The following CNST variants were observed in gnomAD, a reference collection of about 807,000 sequenced individuals.
CNST encodes the protein consortin.
A neutral mutation model predicts 72.4 loss-of-function variants in CNST; 39 were observed. That is an observed-to-expected ratio of 0.54 (90% CI 0.42 to 0.70). The LOEUF (loss-of-function observed/expected upper bound fraction) is 0.70, where lower values mean the gene tolerates loss of function less well. Ranked by LOEUF, CNST falls within the 30% of genes least tolerant of loss-of-function variation. The probability of loss-of-function intolerance (pLI) is 0.00; values close to 1 mark genes in which losing one functional copy is unlikely to be tolerated. For missense variants in CNST, 871 were observed against 868.5 expected (o/e 1.00, Z -0.04); for synonymous variants, 332 against 320.1 (o/e 1.04, Z -0.40).
At chr1:246,642,465 A>T (rs1246179779) in intron 8 of CNST, among the ~76,000 whole-genome samples, 1 of 152,062 alleles carries the variant, frequency 6.6e-6, no homozygotes, top group Non-Finnish European at 1.5e-5. Flanking sequence ...TTTAAACTCT[A>T]TATCTTGATA....
At chr1:246,581,421 G>A (rs748093343) in intron 1 of CNST, among the ~76,000 whole-genome samples, 6 of 152,112 alleles carry the variant, frequency 3.9e-5, no homozygotes, top group African/African-American at 1.2e-4. Flanking sequence ...GCGCCTCCAC[G>A]CCTGGCTGAT....
intron 9 of CNST, among the ~76,000 whole-genome samples, chr1:246,648,414 G>A (rs1666255448): frequency 6.6e-6 from 1 of 152,016 alleles, no homozygotes; most frequent in Non-Finnish European, 1.5e-5. Flanking sequence ...GATAAAATAT[G>A]ATATGTACTT....
At chr1:246,583,255 C>T (rs1660914122) in intron 1 of CNST, among the ~76,000 whole-genome samples, 1 of 152,178 alleles carries the variant, frequency 6.6e-6, no homozygotes, top group African/African-American at 2.4e-5. Flanking sequence ...TTGCTCTGCA[C>T]TTATTTTCAT....
chr1:246,603,153 A>C (rs1377321071), intron 2 of CNST, among the ~76,000 whole-genome samples: 1 of 152,218 alleles, frequency 6.6e-6, no homozygotes, highest in Admixed American at 6.5e-5. Context: ...AGTTACATAC[A>C]TATTAACCTA....
intron 8 of CNST, 106 bp downstream of exon 8, chr1:246,642,143 T>TTTG (rs1553383449): frequency 3.2e-6 from 2 of 622,234 alleles, no homozygotes; most frequent in African/African-American, 4.1e-5. Context: ...GTTTTTTTTT[T>TTTG]TTTTTTTTTT....
chr1:246,583,820 G>T (rs796411758), intron 1 of CNST, among the ~76,000 whole-genome samples: 2 of 152,218 alleles, frequency 1.3e-5, no homozygotes, highest in Non-Finnish European at 2.9e-5. Flanking sequence ...TCCTCTGAAT[G>T]TGGGGCAGGA....
chr1:246,635,126 A>G, intron 6 of CNST, among the ~76,000 whole-genome samples: 1 of 152,030 alleles, frequency 6.6e-6, no homozygotes, highest in East Asian at 1.9e-4. Context: ...TTTCATTCCT[A>G]TTTGGTTATA....
chr1:246,624,335 T>G (rs1277521129), intron 3 of CNST, among the ~76,000 whole-genome samples: 2 of 152,250 alleles, frequency 1.3e-5, no homozygotes, highest in Non-Finnish European at 2.9e-5. Context: ...GGTGGTGGTT[T>G]AAAAGTATGG....
chr1:246,651,659 G>GT (rs1478810192), intron 9 of CNST, among the ~76,000 whole-genome samples: 1 of 152,164 alleles, frequency 6.6e-6, no homozygotes, highest in Non-Finnish European at 1.5e-5. Flanking sequence ...ACTTGTCTAG[G>GT]TTTGGAAAGC....
chr1:246,658,995 G>A (rs980824951), intron 9 of CNST, among the ~76,000 whole-genome samples: 1 of 152,018 alleles, frequency 6.6e-6, no homozygotes, highest in Non-Finnish European at 1.5e-5. Flanking sequence ...CTAAATAAGG[G>A]GTGGAACATA....
intron 2 of CNST, among the ~76,000 whole-genome samples, chr1:246,605,327 G>A (rs1283267387): frequency 6.6e-6 from 1 of 152,204 alleles, no homozygotes; most frequent in Non-Finnish European, 1.5e-5. Flanking sequence ...TATAATCCCA[G>A]CATTTTGGGA....
intron 4 of CNST, 149 bp from the exon 5 acceptor site, chr1:246,633,775 C>T: frequency 1.9e-6 from 1 of 531,674 alleles, no homozygotes; most frequent in East Asian, 3.2e-5. Flanking sequence ...AGAAACATTA[C>T]TTTAGATATG....
At position 246,621,538 on chromosome 1, in the gene CNST, A is replaced by C. The variant is rs1664092545; in HGVS notation, c.489A>C (p.Pro163=). ...EAAEVNANEQ[P]EAPKLVLQSL... Reference sequence around the variant, plus strand: ...CTGAAGTAAATGCTAATGAGCAGCCAGAGGCGCCAAAGCTTGTTCTGCAGT... The same window carrying C: ...CTGAAGTAAATGCTAATGAGCAGCCCGAGGCGCCAAAGCTTGTTCTGCAGT... The change falls in exon 3 of 11, where the codon CCA becomes CCC. Residue 163 remains proline (P), a synonymous_variant. Coordinates refer to ENST00000366513, the MANE Select transcript of CNST (RefSeq NM_152609.3). 9.9e-6 allele frequency: 16 copies of C among 1,614,068 alleles called. No homozygotes were observed. The highest frequency in any genetic ancestry group is 1.4e-5 in the Non-Finnish European group (16 of 1,180,016).
intron 1 of CNST, among the ~76,000 whole-genome samples, chr1:246,570,403 G>A (rs1233288605): frequency 6.6e-6 from 1 of 152,182 alleles, no homozygotes; most frequent in Non-Finnish European, 1.5e-5. Flanking sequence ...TTTAGCTGCT[G>A]TGTGTTATAT....
intron 1 of CNST, among the ~76,000 whole-genome samples, chr1:246,588,344 A>G (rs1430437164): frequency 3.9e-5 from 6 of 152,192 alleles, no homozygotes. Context: ...AGTGATTTAC[A>G]TTGTGAATAT....
intron 8 of CNST, among the ~76,000 whole-genome samples, chr1:246,644,388 C>CAAAA (rs58278885): frequency 2.0e-5 from 2 of 102,188 alleles, no homozygotes; most frequent in Admixed American, 1.1e-4. Flanking sequence ...ACTCTGTCTC[C>CAAAA]AAAAAAAAAA....
At chr1:246,578,459 T>TC (rs1198649694) in intron 1 of CNST, among the ~76,000 whole-genome samples, 13 of 151,924 alleles carry the variant, frequency 8.6e-5, no homozygotes, top group East Asian at 3.9e-4. Flanking sequence ...GATCATGAGG[T>TC]AGGAGATCGA....
chr1:246,654,559 C>T (rs954837486), intron 9 of CNST, among the ~76,000 whole-genome samples: 2 of 152,224 alleles, frequency 1.3e-5, no homozygotes, highest in South Asian at 4.1e-4. Flanking sequence ...TATCGTAAGA[C>T]GCACACATAC....
At chr1:246,632,347 A>G (rs1572207396) in intron 4 of CNST, 1 of 280,716 alleles carries the variant, frequency 3.6e-6, no homozygotes, top group Non-Finnish European at 7.0e-6. Flanking sequence ...CGCCCCCGTG[A>G]TGGTGAATCT....
Sources: allele counts gnomAD v4.1 joint callset (sites outside exome capture counted in the v4.1 genomes callset), GRCh38; gene constraint gnomAD v4.1.1; transcripts MANE v1.5; gene names NCBI Gene and HGNC (gene_info 2026-07-23, HGNC 2026-07-21).